Variants in PDE1A observed in about 807,000 individuals in gnomAD.
PDE1A encodes the protein dual specificity calcium/calmodulin-dependent 3',5'-cyclic nucleotide phosphodiesterase 1A.
PDE1A carries 35 observed loss-of-function variants against 61.7 expected under a neutral mutation model. That is an observed-to-expected ratio of 0.57 (90% CI 0.43 to 0.75). The LOEUF (loss-of-function observed/expected upper bound fraction) is 0.75, where lower values mean the gene tolerates loss of function less well. Ranked by LOEUF, PDE1A falls within the 30% of genes least tolerant of loss-of-function variation. PDE1A has a pLI of 0.00. For synonymous variants in PDE1A, 232 were observed against 213.2 expected (o/e 1.09, Z -0.77); for missense variants, 597 against 630.6 (o/e 0.95, Z 0.57).
intron 1 of PDE1A, among the ~76,000 whole-genome samples, chr2:182,402,984 C>T (rs754858315): frequency 6.6e-6 from 1 of 152,082 alleles, no homozygotes; most frequent in South Asian, 2.1e-4. Context: ...TACCATCTCA[C>T]GCCAGTTAGA....
At chr2:182,220,283 CTG>C (rs1168581658) in intron 7 of PDE1A, among the ~76,000 whole-genome samples, 1 of 151,968 alleles carries the variant, frequency 6.6e-6, no homozygotes, top group Non-Finnish European at 1.5e-5. Flanking sequence ...AAGCAAAACA[CTG>C]TGTGCATTTC....
intron 2 of PDE1A, among the ~76,000 whole-genome samples, chr2:182,521,733 A>C (rs1276099034): frequency 2.0e-5 from 3 of 152,158 alleles, no homozygotes; most frequent in Non-Finnish European, 4.4e-5. Context: ...TGGTTAATTT[A>C]AAGCCAAAAC....
rs537369084 is a variant in PDE1A, at chr2:182,416,620, G to A, written c.53+9958C>T. Among the ~76,000 whole-genome samples, 6 of 152,120 alleles carry A rather than the reference G, an allele frequency of 3.9e-5. No homozygotes were observed. The South Asian group carries it at 1.2e-3, about 32-fold the overall frequency. On this transcript the variant is annotated intron_variant, in intron 1 of 13. Transcript: ENST00000351439. ...TTTCTTGAGGACAGGCTATCTTCCA[G>A]AAAACATAAATAAGAAAAGAAATAA... is the stretch of plus-strand genomic sequence containing the variant.
intron 2 of PDE1A, among the ~76,000 whole-genome samples, chr2:182,501,604 T>C (rs1689086326): frequency 6.6e-6 from 1 of 152,248 alleles, no homozygotes; most frequent in South Asian, 2.1e-4. Flanking sequence ...ATTATATTTC[T>C]TGTGTAAGCT....
At chr2:182,301,009 A>T (rs549008413) in intron 1 of PDE1A, among the ~76,000 whole-genome samples, 4 of 152,286 alleles carry the variant, frequency 2.6e-5, no homozygotes, top group African/African-American at 9.6e-5. Context: ...ATTTTTCATT[A>T]TTGGGATCAA....
intron 2 of PDE1A, among the ~76,000 whole-genome samples, chr2:182,492,665 G>A (rs1207296076): frequency 6.6e-6 from 1 of 152,166 alleles, no homozygotes. Flanking sequence ...TTGTGAATTA[G>A]TTTCACTTAG....
chr2:182,436,288 A>G (rs1684401107), intron 2 of PDE1A, among the ~76,000 whole-genome samples: 1 of 152,060 alleles, frequency 6.6e-6, no homozygotes, highest in Non-Finnish European at 1.5e-5. Flanking sequence ...CTTTGGAATT[A>G]CTATCTTCTT....
At chr2:182,313,010 A>C (rs866587536) in intron 1 of PDE1A, among the ~76,000 whole-genome samples, 14 of 152,212 alleles carry the variant, frequency 9.2e-5, no homozygotes, top group Admixed American at 2.0e-4. Flanking sequence ...TAGATCTTGC[A>C]TATCATTTAT....
intron 13 of PDE1A, among the ~76,000 whole-genome samples, chr2:182,155,479 G>GACTAGATAT (rs1460182510): frequency 6.6e-6 from 1 of 152,088 alleles, no homozygotes; most frequent in Non-Finnish European, 1.5e-5. Flanking sequence ...ACTAAATATG[G>GACTAGATAT]ACTAGATATA....
chr2:182,179,219 TAAAC>T (rs1351827918), intron 13 of PDE1A, among the ~76,000 whole-genome samples: 3 of 152,202 alleles, frequency 2.0e-5, no homozygotes, highest in African/African-American at 7.2e-5. Flanking sequence ...TGTACAGACT[TAAAC>T]AAAACACTAA....
chr2:182,617,878 T>A, the PDE1A span, among the ~76,000 whole-genome samples: 2 of 152,202 alleles, frequency 1.3e-5, no homozygotes, highest in African/African-American at 2.4e-5. Context: ...GCCCTTTATG[T>A]TCTCTTAAGA....
At chr2:182,163,620 C>A (rs546521773), downstream of PDE1A, among the ~76,000 whole-genome samples, 16 of 152,230 alleles carry the variant, frequency 1.1e-4, no homozygotes, top group Middle Eastern at 0.01. Flanking sequence ...TGGAGATAAC[C>A]CTTCTAAAGT....
At chr2:182,231,500 A>G (rs1394722182) in intron 4 of PDE1A, among the ~76,000 whole-genome samples, 1 of 152,208 alleles carries the variant, frequency 6.6e-6, no homozygotes, top group African/African-American at 2.4e-5. Flanking sequence ...GATGATGTCA[A>G]TTGGGAAATA....
chr2:182,390,823 C>T (rs971561934), intron 1 of PDE1A, among the ~76,000 whole-genome samples: 1 of 152,164 alleles, frequency 6.6e-6, no homozygotes, highest in Admixed American at 6.5e-5. Context: ...TGACAACATC[C>T]CTACCCACAA....
chr2:182,223,947 C>A (rs765707769), exon 7 of PDE1A: 2 of 1,603,562 alleles, frequency 1.2e-6, no homozygotes, highest in African/African-American at 1.3e-5. Flanking sequence ...CTAAAATTTC[C>A]AGTTCAGTGA....
chr2:182,359,426 G>A (rs1052194887), intron 1 of PDE1A, among the ~76,000 whole-genome samples: 3 of 152,080 alleles, frequency 2.0e-5, no homozygotes, highest in African/African-American at 4.8e-5. Flanking sequence ...ACTGCTTTTA[G>A]AGAGGACAAA....
chr2:182,174,197 G>GT (rs1312340391), intron 13 of PDE1A, among the ~76,000 whole-genome samples: 1 of 151,988 alleles, frequency 6.6e-6, no homozygotes, highest in Non-Finnish European at 1.5e-5. Flanking sequence ...TTATCTAGCA[G>GT]TCCTAAAGGC....
chr2:182,564,952 G>C, the PDE1A span, among the ~76,000 whole-genome samples: 1 of 152,008 alleles, frequency 6.6e-6, no homozygotes, highest in African/African-American at 2.4e-5. Flanking sequence ...TTATACATTC[G>C]TCTAAATTTT....
At chr2:182,565,837 T>C in the PDE1A span, among the ~76,000 whole-genome samples, 2 of 152,138 alleles carry the variant, frequency 1.3e-5, no homozygotes, top group Non-Finnish European at 2.9e-5. Flanking sequence ...TTAGTTTTTT[T>C]CCCAGGTTAA....
Sources: allele counts gnomAD v4.1 joint callset (sites outside exome capture counted in the v4.1 genomes callset), GRCh38; gene constraint gnomAD v4.1.1; transcripts MANE v1.5; gene names NCBI Gene and HGNC (gene_info 2026-07-23, HGNC 2026-07-21).